ZNF827: variants seen among roughly 807,000 people sequenced by gnomAD.
ZNF827 encodes the protein zinc finger protein 827.
Under a neutral mutation model 102.4 loss-of-function variants are expected in ZNF827, and 13 were observed. That is an observed-to-expected ratio of 0.13 (90% CI 0.08 to 0.20). The LOEUF (loss-of-function observed/expected upper bound fraction) is 0.20. Among genes scored for constraint, ZNF827 ranks in the 10% least tolerant of loss-of-function variants. The pLI is 1.00. For synonymous variants in ZNF827, 523 were observed against 536.2 expected, an observed-to-expected ratio of 0.98 and a Z score of 0.34; for missense variants, 1,103 against 1,344.4, an observed-to-expected ratio of 0.82 and a Z score of 2.81.
intron 8 of ZNF827, among the ~76,000 whole-genome samples, chr4:145,801,531 G>A: frequency 6.6e-6 from 1 of 152,154 alleles, no homozygotes; most frequent in African/African-American, 2.4e-5. Flanking sequence ...TGGGGAAGAA[G>A]TGTACTCTAA....
At chr4:145,873,457 T>C (rs1239422618) in intron 4 of ZNF827, among the ~76,000 whole-genome samples, 3 of 152,208 alleles carry the variant, frequency 2.0e-5, no homozygotes, top group African/African-American at 7.2e-5. Context: ...AATAATTAGA[T>C]GGGAGATAAG....
At position 145,775,912 on chromosome 4, in the gene ZNF827, C is replaced by A. The variant is rs79923423; in HGVS notation, c.2570G>T (p.Arg857Leu). Residue 857 changes from arginine to leucine, a missense_variant, in exon 10 of 15, where the codon CGT becomes CTT. Around this residue, in one of 5 missense-constraint regions of ZNF827, gnomAD observed 242 missense variants for 361.9 expected, o/e 0.67. Coordinates refer to ENST00000508784, the MANE Select transcript of ZNF827 (RefSeq NM_001306215.2). ...CHLCPYAAKCRANLNQHLTVH... is the reference protein window; with the variant it reads ...CHLCPYAAKCLANLNQHLTVH... ...GGTCAAGTGCTGGTTCAGATTTGCA[C>A]GGCACTTAGCAGCATAGGGGCACAA... 6.2e-7 allele frequency: 1 copy of A among 1,614,090 alleles called. No individual in the cohort carries two copies. The highest frequency in any genetic ancestry group is 1.1e-5 in the South Asian group (1 of 91,070).
chr4:145,854,234 T>G (rs1746840139), intron 5 of ZNF827, among the ~76,000 whole-genome samples: 1 of 151,898 alleles, frequency 6.6e-6, no homozygotes, highest in Non-Finnish European at 1.5e-5. Context: ...GCCTAAGTAT[T>G]CAAGTTTCCC....
At chr4:145,917,779 T>C (rs1002166404) in intron 1 of ZNF827, among the ~76,000 whole-genome samples, 5 of 151,362 alleles carry the variant, frequency 3.3e-5, no homozygotes, top group African/African-American at 1.2e-4. Flanking sequence ...CCACTTATAT[T>C]ATTCCTACAT....
intron 5 of ZNF827, among the ~76,000 whole-genome samples, chr4:145,862,951 G>A (rs181674553): frequency 1.2e-3 from 176 of 152,206 alleles, no homozygotes; most frequent in African/African-American, 3.8e-3. Flanking sequence ...TTAAGAAAAC[G>A]AAGGACAACT....
intron 1 of ZNF827, among the ~76,000 whole-genome samples, chr4:145,922,217 C>T (rs1460261216): frequency 6.6e-6 from 1 of 152,160 alleles, no homozygotes; most frequent in African/African-American, 2.4e-5. Flanking sequence ...ATTTCCATTA[C>T]TATGTAGACA....
At chr4:145,839,114 T>A (rs1418559516) in intron 7 of ZNF827, 2 of 152,250 alleles carry the variant, frequency 1.3e-5, no homozygotes, top group Admixed American at 6.5e-5. Flanking sequence ...TTTAGTATTT[T>A]CTTCTTTGAA....
At chr4:145,895,725 G>T (rs971489182) in intron 2 of ZNF827, among the ~76,000 whole-genome samples, 1 of 151,864 alleles carries the variant, frequency 6.6e-6, no homozygotes, top group Non-Finnish European at 1.5e-5. Context: ...ATGTGTTTAT[G>T]ATGTTGTTAA....
Position 145,873,187 on chromosome 4 carries a change from G to A in ZNF827, c.1748-2709C>T, listed in dbSNP as rs139557575. On this transcript the variant is annotated intron_variant, in intron 4 of 14. Transcript: ENST00000508784. Reference sequence around the variant, plus strand: ...CCTGACCTCGTGATCCACCCGCTTCGGCCTCCCAAAGTGCTGGGATTATAG... The same window carrying A: ...CCTGACCTCGTGATCCACCCGCTTCAGCCTCCCAAAGTGCTGGGATTATAG... 2.4e-3 allele frequency among the ~76,000 whole-genome samples: 366 copies of A among 152,040 alleles called. 2 individuals are homozygous for A. Among genetic ancestry groups the A allele is most frequent in the African/African-American group, 8.4e-3 (349 of 41,514 alleles).
At chr4:145,829,506 C>T (rs187449825) in intron 7 of ZNF827, among the ~76,000 whole-genome samples, 10 of 152,274 alleles carry the variant, frequency 6.6e-5, no homozygotes, top group Admixed American at 5.9e-4. Context: ...TTACAGATTT[C>T]GAGAGCTGGA....
At chr4:145,827,038 C>T (rs138520227) in intron 7 of ZNF827, among the ~76,000 whole-genome samples, 1,571 of 152,212 alleles carry the variant, frequency 0.01, 24 homozygotes, top group African/African-American at 0.035. Flanking sequence ...TGAGCCACCA[C>T]GCCCTGCCAA....
rs1471643483 is a variant in ZNF827, at chr4:145,907,181, G to A, written c.44-3966C>T. The A allele has an allele frequency of 1.1e-5, 5 of 456,444 alleles. No individual in the cohort carries two copies. In the Admixed American group the frequency reaches 1.2e-4, roughly 11 times the overall value. The allele number at this position is 456,444 out of a possible 1,614,324, so 28.3% of individuals were successfully genotyped here. A position where few individuals can be genotyped will look rare whatever the true frequency, so the allele number is the denominator to read the frequency against. ...CAAATATGTCTGTGTTCACAAAACA[G>A]CAAGGATTTTCTCCCACTTTTTTTT... On this transcript the variant is annotated intron_variant, in intron 1 of 14. Coordinates refer to ENST00000508784, the MANE Select transcript of ZNF827 (RefSeq NM_001306215.2).
chr4:145,913,058 T>C (rs1752400977), intron 1 of ZNF827, among the ~76,000 whole-genome samples: 1 of 152,192 alleles, frequency 6.6e-6, no homozygotes, highest in Non-Finnish European at 1.5e-5. Context: ...CCTGTGAGGC[T>C]GGAAGGACTA....
At chr4:145,844,369 T>G (rs1745703318) in intron 7 of ZNF827, among the ~76,000 whole-genome samples, 1 of 151,704 alleles carries the variant, frequency 6.6e-6, no homozygotes, top group Admixed American at 6.6e-5. Context: ...ACGAGGTTCC[T>G]CTCCCTAAAA....
At chr4:145,933,148 T>C (rs1392489005) in intron 1 of ZNF827, among the ~76,000 whole-genome samples, 1 of 152,246 alleles carries the variant, frequency 6.6e-6, no homozygotes, top group East Asian at 1.9e-4. Context: ...AGAAGGAATG[T>C]GATTTTGAGT....
intron 7 of ZNF827, among the ~76,000 whole-genome samples, chr4:145,841,012 T>C (rs964468493): frequency 2.0e-5 from 3 of 152,244 alleles, no homozygotes; most frequent in African/African-American, 7.2e-5. Flanking sequence ...GCTTTTTGTC[T>C]AGTAATGGAG....
chr4:145,856,162 T>G (rs28779181), intron 5 of ZNF827, among the ~76,000 whole-genome samples: 3,247 of 152,122 alleles, frequency 0.021, 122 homozygotes, highest in African/African-American at 0.073. Flanking sequence ...GCACGGCTAA[T>G]TTTTTGTATT....
intron 8 of ZNF827, among the ~76,000 whole-genome samples, chr4:145,794,302 T>C (rs937975148): frequency 3.3e-5 from 5 of 152,218 alleles, no homozygotes; most frequent in African/African-American, 1.2e-4. Flanking sequence ...GCGTGTGAAT[T>C]TGCCTCAATG....
In ZNF827 at chr4:145,779,683, T is replaced by C. The variant is rs151236924; in HGVS notation, c.2384-172A>G. On this transcript the variant is annotated intron_variant, in intron 8 of 14. Transcript: ENST00000508784. ...CATTTCCTGTCTCTAAGAAGGCCGTTCTTGAAAGCTGCGGTGGCAAGTGGA... is the reference window on the plus strand; with the variant it reads ...CATTTCCTGTCTCTAAGAAGGCCGTCCTTGAAAGCTGCGGTGGCAAGTGGA... Among the ~76,000 whole-genome samples, 1,106 of 152,356 alleles carry C rather than the reference T, an allele frequency of 7.3e-3. 13 individuals are homozygous for C. The highest frequency in any genetic ancestry group is 0.025 in the African/African-American group (1,056 of 41,582).
Sources: gnomAD v4.1 joint callset for allele counts (sites outside exome capture counted in the v4.1 genomes callset) on GRCh38, gnomAD v4.1.1 for gene constraint, gnomAD v4.1.1 regional missense constraint, MANE v1.5 for transcripts, NCBI Gene and HGNC (gene_info 2026-07-23, HGNC 2026-07-21) for gene names.